CPLX2: variants seen among roughly 807,000 people sequenced by gnomAD.
The protein encoded by CPLX2 is complexin 2, also known as complexin-2.
CPLX2 carries 5 observed loss-of-function variants against 16.3 expected under a neutral mutation model. The observed-to-expected ratio is 0.31, with a 90% confidence interval of 0.16 to 0.64. The LOEUF (loss-of-function observed/expected upper bound fraction) is 0.64. CPLX2 is among the 30% of genes least tolerant of loss of function. The pLI is 0.79. For synonymous variants in CPLX2, 89 were observed against 73.2 expected (o/e 1.22, Z -1.10); for missense variants, 144 against 181.4 (o/e 0.79, Z 1.18).
chr5:175,799,539 C>CATATATATAT (rs70988299), intron 1 of CPLX2, among the ~76,000 whole-genome samples: 24 of 72,252 alleles, frequency 3.3e-4, no homozygotes, highest in East Asian at 8.0e-4. Context: ...TTGCAAATTT[C>CATATATATAT]ATATATATAT....
At chr5:175,840,530 C>A (rs1758926068) in intron 2 of CPLX2, among the ~76,000 whole-genome samples, 1 of 152,194 alleles carries the variant, frequency 6.6e-6, no homozygotes, top group South Asian at 2.1e-4. Flanking sequence ...GTCGGTGTAT[C>A]CCATTCATTT....
At position 175,814,739 on chromosome 5, in the gene CPLX2, C is replaced by G. The variant is rs548436090; in HGVS notation, c.-89+5671C>G. Reference sequence around the variant, plus strand: ...CTGGACACAGGGCTCAGGAAAGGACCAGAGCCAAAGCTGCACAAGGGGTCT... The same window carrying G: ...CTGGACACAGGGCTCAGGAAAGGACGAGAGCCAAAGCTGCACAAGGGGTCT... On this transcript the variant is annotated intron_variant, in intron 2 of 4. Coordinates refer to the CPLX2 transcript ENST00000359546. Among the ~76,000 whole-genome samples the G allele has an allele frequency of 3.9e-3, 596 of 152,302 alleles. 4 individuals carry two copies. The highest frequency in any genetic ancestry group is 6.2e-3 in the Non-Finnish European group (421 of 68,024).
intron 1 of CPLX2, among the ~76,000 whole-genome samples, chr5:175,874,613 G>GGT (rs1759714923): frequency 6.6e-6 from 1 of 152,166 alleles, no homozygotes; most frequent in Non-Finnish European, 1.5e-5. Flanking sequence ...GAAAAAGATG[G>GGT]GTGTGTGGGG....
At chr5:175,844,411 A>G (rs1024778743) in intron 2 of CPLX2, among the ~76,000 whole-genome samples, 5 of 152,240 alleles carry the variant, frequency 3.3e-5, no homozygotes, top group African/African-American at 1.2e-4. Flanking sequence ...CACTGCGGTT[A>G]GAGGGGCCAA....
chr5:175,827,520 C>T (rs189847551), intron 2 of CPLX2, among the ~76,000 whole-genome samples: 7 of 152,152 alleles, frequency 4.6e-5, no homozygotes, highest in Admixed American at 3.3e-4. Context: ...TGTGGGAGGC[C>T]GGGGTGGTTG....
At chr5:175,823,330 A>G (rs1473861853) in intron 2 of CPLX2, among the ~76,000 whole-genome samples, 3 of 152,180 alleles carry the variant, frequency 2.0e-5, no homozygotes, top group African/African-American at 7.2e-5. Context: ...GAAAACAGAC[A>G]GCTGGATGGG....
At chr5:175,797,375 C>CATTG (rs1758006851) in intron 1 of CPLX2, among the ~76,000 whole-genome samples, 1 of 115,058 alleles carries the variant, frequency 8.7e-6, no homozygotes, top group Admixed American at 9.0e-5. Context: ...ATGGCGGGGC[C>CATTG]CAGCTAAGAG....
At chr5:175,874,895 A>G (rs1274410815) in intron 1 of CPLX2, among the ~76,000 whole-genome samples, 1 of 152,114 alleles carries the variant, frequency 6.6e-6, no homozygotes, top group African/African-American at 2.4e-5. Context: ...GAGAAGACCT[A>G]TCTGAGAAGT....
intron 2 of CPLX2, among the ~76,000 whole-genome samples, chr5:175,838,331 G>A (rs1007680255): frequency 4.8e-5 from 7 of 144,534 alleles, no homozygotes; most frequent in Non-Finnish European, 1.0e-4. Flanking sequence ...GCAGTGGCAC[G>A]ATCTCGGCTC....
chr5:175,868,767 C>A (rs1471197590), upstream of CPLX2, among the ~76,000 whole-genome samples: 3 of 151,584 alleles, frequency 2.0e-5, no homozygotes, highest in Non-Finnish European at 4.4e-5. Context: ...AAAAAAAAAT[C>A]TGCAGAGCAA....
At chr5:175,807,537 T>C (rs1275268118) in intron 1 of CPLX2, among the ~76,000 whole-genome samples, 1 of 152,254 alleles carries the variant, frequency 6.6e-6, no homozygotes, top group African/African-American at 2.4e-5. Context: ...CCCAGCAAGC[T>C]GGAAACAGGA....
chr5:175,803,703 C>T (rs187120134), intron 1 of CPLX2, among the ~76,000 whole-genome samples: 1 of 152,180 alleles, frequency 6.6e-6, no homozygotes, highest in African/African-American at 2.4e-5. Flanking sequence ...GTGGCGTGAT[C>T]TAAATTGTGA....
intron 2 of CPLX2, among the ~76,000 whole-genome samples, chr5:175,821,294 C>T (rs1397445925): frequency 6.6e-6 from 1 of 152,142 alleles, no homozygotes; most frequent in Non-Finnish European, 1.5e-5. Context: ...CACCTTCTCT[C>T]CCTCCTTCAC....
intron 2 of CPLX2, among the ~76,000 whole-genome samples, chr5:175,855,841 T>C (rs1759244409): frequency 6.6e-6 from 1 of 152,114 alleles, no homozygotes; most frequent in Non-Finnish European, 1.5e-5. Context: ...CCAAACCACA[T>C]GGCCAGAGAA....
chr5:175,859,862 C>A (rs865774075), intron 2 of CPLX2, among the ~76,000 whole-genome samples: 1 of 152,142 alleles, frequency 6.6e-6, no homozygotes, highest in East Asian at 1.9e-4. Flanking sequence ...AGGATTTGGA[C>A]CTGCCTGATA....
intron 2 of CPLX2, among the ~76,000 whole-genome samples, chr5:175,836,030 C>T (rs894132227): frequency 1.3e-5 from 2 of 152,082 alleles, no homozygotes; most frequent in Admixed American, 6.5e-5. Context: ...TGAGTCACCG[C>T]GCCCAGCCGC....
intron 2 of CPLX2, among the ~76,000 whole-genome samples, chr5:175,819,187 G>A (rs890629591): frequency 1.4e-4 from 21 of 152,138 alleles, no homozygotes; most frequent in Admixed American, 1.2e-3. Flanking sequence ...ACTCTTGGGA[G>A]AAGCGCTGCC....
upstream of CPLX2, among the ~76,000 whole-genome samples, chr5:175,870,235 G>C (rs1028152170): frequency 2.0e-5 from 3 of 152,212 alleles, no homozygotes; most frequent in East Asian, 5.8e-4. Context: ...AAGCCTGTAA[G>C]GGGAGAACAG....
intron 2 of CPLX2, among the ~76,000 whole-genome samples, chr5:175,860,441 AGAAAGAAAGAG>A (rs879820105): frequency 0.071 from 10,243 of 143,720 alleles, 622 homozygotes; most frequent in African/African-American, 0.15. Flanking sequence ...AGGAAGAAAG[AGAAAGAAAGAG>A]AGAGAAAGAA....
Sources: allele counts gnomAD v4.1 joint callset (sites outside exome capture counted in the v4.1 genomes callset), GRCh38; gene constraint gnomAD v4.1.1; transcripts MANE v1.5; gene names NCBI Gene and HGNC (gene_info 2026-07-23, HGNC 2026-07-21).